CEP126: variants seen among roughly 807,000 people sequenced by gnomAD.
CEP126 encodes the protein centrosomal protein of 126 kDa.
In CEP126, 74 loss-of-function variants were observed where a neutral mutation model predicts 107.8. That is an observed-to-expected ratio of 0.69 (90% confidence interval 0.57 to 0.83). The LOEUF is 0.83. Ranked by LOEUF, CEP126 falls within the 40% of genes least tolerant of loss-of-function variation. The pLI is 0.00. For missense variants in CEP126, 1,237 were observed against 1,281.9 expected (o/e 0.96, Z 0.53); for synonymous variants, 449 against 446.0 (o/e 1.01, Z -0.08).
intron 4 of CEP126, chr11:101,956,400 A>G (rs1473653651): frequency 1.1e-5 from 5 of 455,934 alleles, no homozygotes; most frequent in Non-Finnish European, 2.2e-5. Flanking sequence ...GCTAGCTTGG[A>G]TCCTTTTCAG....
chr11:101,958,151 T>A lies in CEP126; in HGVS notation c.507-17T>A, dbSNP rs759227229. ...TTTATTTAAATGTACTAAGCACTTTTTATGTCTGGTTCACAGAGCTATAGA... is the reference window on the plus strand; with the variant it reads ...TTTATTTAAATGTACTAAGCACTTTATATGTCTGGTTCACAGAGCTATAGA... On this transcript the variant is annotated splice_polypyrimidine_tract_variant and intron_variant, in intron 4 of 10. Coordinates refer to ENST00000263468, the MANE Select transcript of CEP126 (RefSeq NM_020802.4). 1 of 1,608,494 alleles carries A rather than the reference T, an allele frequency of 6.2e-7. No individual in the cohort carries two copies. The highest frequency in any genetic ancestry group is 1.7e-5 in the Admixed American group (1 of 59,200).
In CEP126 at chr11:101,915,180, C is replaced by T; in HGVS notation, c.-105C>T. ...CCCTTCCGCGCCCGTGACGCGGGGC[C>T]TGAGAGACGGAGTGTAGGGAGGGGC... On this transcript the variant is annotated 5_prime_UTR_variant, in exon 1 of 11. Coordinates refer to ENST00000263468, the MANE Select transcript of CEP126 (RefSeq NM_020802.4). 1.3e-6 allele frequency: 2 copies of T among 1,523,654 alleles called. No homozygotes were observed. Among genetic ancestry groups the T allele is most frequent in the Non-Finnish European group, 8.9e-7 (1 of 1,124,370 alleles). The allele number at this position is 1,523,654 out of a possible 1,614,324, so 94.4% of individuals were successfully genotyped here.
At chr11:101,975,776 CCTT>C (rs1488022023) in intron 6 of CEP126, among the ~76,000 whole-genome samples, 5 of 152,090 alleles carry the variant, frequency 3.3e-5, no homozygotes. Flanking sequence ...TCTGTTGTTC[CCTT>C]CTTTATGACC....
intron 8 of CEP126, among the ~76,000 whole-genome samples, chr11:101,984,674 G>A (rs926542755): frequency 1.3e-5 from 2 of 152,158 alleles, no homozygotes; most frequent in Admixed American, 6.5e-5. Flanking sequence ...AAGAAATTAT[G>A]TCAGTTTATA....
intron 2 of CEP126, among the ~76,000 whole-genome samples, chr11:101,943,286 G>C (rs1940690442): frequency 6.6e-6 from 1 of 151,992 alleles, no homozygotes. Flanking sequence ...GAGATCTGTA[G>C]TCCTCTATCG....
At chr11:101,948,329 T>C (rs933737909) in intron 4 of CEP126, among the ~76,000 whole-genome samples, 187 bp downstream of exon 4, 3 of 152,130 alleles carry the variant, frequency 2.0e-5, no homozygotes, top group Non-Finnish European at 4.4e-5. Context: ...GAATTCCAAT[T>C]TGTTGTCTTA....
At chr11:101,947,950 C>A in intron 3 of CEP126, 81 bp from the exon 4 acceptor site, 1 of 546,778 alleles carries the variant, frequency 1.8e-6, no homozygotes. Context: ...AATATTTTAT[C>A]ATTAACCAAT....
rs11225079 is a variant in CEP126, at chr11:101,947,742, A to T, written c.395-289A>T. On this transcript the variant is annotated intron_variant, in intron 3 of 10. Coordinates refer to ENST00000263468, the MANE Select transcript of CEP126 (RefSeq NM_020802.4). ...TGTGTCATAAGTTTATGGCACTATG[A>T]GATCAAATATAGGGGAGTTTGCATG... 2.0e-5 allele frequency among the ~76,000 whole-genome samples: 3 copies of T among 152,100 alleles called. No individual in the cohort carries two copies. In the East Asian group the frequency reaches 5.8e-4, roughly 29 times the overall value.
rs1438064530 is a variant in CEP126 at position 101,998,733 on chromosome 11, C to T, written c.*1090C>T. 1.3e-5 allele frequency: 2 copies of T among 151,750 alleles called. No homozygotes were observed. The highest frequency in any genetic ancestry group is 2.9e-5 in the Non-Finnish European group (2 of 68,006). The allele number at this position is 151,750 out of a possible 1,614,324, so 9.4% of individuals were successfully genotyped here. A position where few individuals can be genotyped will look rare whatever the true frequency, so the allele number is the denominator to read the frequency against. ...GAAACACTTGATGTAGTGAGAAATG[C>T]ATTAACATGTTGAATGCCTACCATG... On this transcript the variant is annotated 3_prime_UTR_variant, in exon 11 of 11. Coordinates refer to ENST00000263468, the MANE Select transcript of CEP126 (RefSeq NM_020802.4).
chr11:101,940,843 C>A (rs1201402458), intron 2 of CEP126, among the ~76,000 whole-genome samples: 1 of 152,190 alleles, frequency 6.6e-6, no homozygotes, highest in Non-Finnish European at 1.5e-5. Flanking sequence ...AAGTTGGAAG[C>A]TGCAAAATTC....
chr11:101,984,295 G>T (rs1361883681), intron 8 of CEP126, among the ~76,000 whole-genome samples: 1 of 152,154 alleles, frequency 6.6e-6, no homozygotes, highest in Non-Finnish European at 1.5e-5. Flanking sequence ...TGCATTCCTG[G>T]CACAACCTCT....
At position 101,958,244 on chromosome 11, in the gene CEP126, A is replaced by G; in HGVS notation, c.583A>G (p.Asn195Asp). 1 of 1,613,988 alleles carries G rather than the reference A, an allele frequency of 6.2e-7. No individual in the cohort carries two copies. The highest frequency in any genetic ancestry group is 2.2e-5 in the East Asian group (1 of 44,846). Residue 195 changes from asparagine to aspartate, a missense_variant, in exon 5 of 11, where the codon AAT (asparagine) becomes GAT (aspartate). Asn to Asp is a conservative substitution (Grantham distance 23). Coordinates refer to ENST00000263468, the MANE Select transcript of CEP126 (RefSeq NM_020802.4). ...KHQKQLLSKI[N>D]CEKEMNENMR... ...TCAGAAACAACTCTTATCCAAAATCAATTGTGAGAAAGAAATGAATGAAAA... is the reference window on the plus strand; with the variant it reads ...TCAGAAACAACTCTTATCCAAAATCGATTGTGAGAAAGAAATGAATGAAAA...
chr11:101,998,633 TAAGA>T lies in CEP126; in HGVS notation c.*991_*994del, dbSNP rs988053580. 11 of 118,130 alleles carry T rather than the reference TAAGA, an allele frequency of 9.3e-5. No individual in the cohort carries two copies. Among genetic ancestry groups the T allele is most frequent in the Non-Finnish European group, 1.9e-4 (11 of 57,014 alleles). The allele number at this position is 118,130 out of a possible 1,614,324, so 7.3% of individuals were successfully genotyped here. On this transcript the variant is annotated 3_prime_UTR_variant, in exon 11 of 11. Coordinates refer to ENST00000263468, the MANE Select transcript of CEP126 (RefSeq NM_020802.4). Reference sequence around the variant, plus strand: ...AAAGTGATGAATCAAAATTAGAAATTAAGAGTTTTAAGAAAACATGTGGCCTTTT... The same window carrying T: ...AAAGTGATGAATCAAAATTAGAAATTGTTTTAAGAAAACATGTGGCCTTTT...
At chr11:101,993,750 A>AC (rs1941412016) in intron 10 of CEP126, among the ~76,000 whole-genome samples, 2 of 152,116 alleles carry the variant, frequency 1.3e-5, no homozygotes, top group Admixed American at 1.3e-4. Flanking sequence ...AGCCATTCTA[A>AC]CTGGTGTAAG....
At chr11:101,928,901 A>T (rs1373503646) in intron 2 of CEP126, among the ~76,000 whole-genome samples, 1 of 152,186 alleles carries the variant, frequency 6.6e-6, no homozygotes, top group African/African-American at 2.4e-5. Context: ...GAATAATATT[A>T]TCTAAACCTG....
intron 4 of CEP126, among the ~76,000 whole-genome samples, chr11:101,954,450 C>G (rs1591280832): frequency 2.0e-5 from 3 of 152,150 alleles, no homozygotes; most frequent in Admixed American, 6.5e-5. Context: ...TTTGCTTTCC[C>G]TGCAGCAAAC....
intron 7 of CEP126, among the ~76,000 whole-genome samples, chr11:101,981,053 ATC>A (rs773492214): frequency 4.3e-4 from 65 of 152,210 alleles, no homozygotes; most frequent in Admixed American, 3.6e-3. Flanking sequence ...GGAAGTTGGT[ATC>A]TCTCAGAAAG....
intron 6 of CEP126, among the ~76,000 whole-genome samples, chr11:101,973,902 A>T (rs890338000): frequency 4.6e-5 from 7 of 151,966 alleles, no homozygotes; most frequent in African/African-American, 1.7e-4. Context: ...CTATTTTTTT[A>T]AATTTCTTAT....
In CEP126 at chr11:101,962,251, A is replaced by G. The variant is rs776687819; in HGVS notation, c.1216A>G (p.Arg406Gly). Residue 406 changes from arginine to glycine, a missense_variant, in exon 6 of 11, where the codon AGA becomes GGA. Transcript: ENST00000263468. ...DSTSGAFKRERPLVTESPTFK... is the reference protein window; with the variant it reads ...DSTSGAFKREGPLVTESPTFK... ...CACTTCTGGAGCATTCAAAAGAGAGAGACCATTAGTTACTGAGAGCCCAAC... is the reference window on the plus strand; with the variant it reads ...CACTTCTGGAGCATTCAAAAGAGAGGGACCATTAGTTACTGAGAGCCCAAC... 2.5e-6 allele frequency: 4 copies of G among 1,613,968 alleles called. No homozygotes were observed. The highest frequency in any genetic ancestry group is 2.5e-6 in the Non-Finnish European group (3 of 1,179,860).
Sources: gnomAD v4.1 joint callset for allele counts (sites outside exome capture counted in the v4.1 genomes callset) on GRCh38, gnomAD v4.1.1 for gene constraint, MANE v1.5 for transcripts, NCBI Gene and HGNC (gene_info 2026-07-23, HGNC 2026-07-21) for gene names.